The following NDUFA10 variants were observed in gnomAD, a reference collection of about 807,000 sequenced individuals.
The protein encoded by NDUFA10 is NADH:ubiquinone oxidoreductase subunit A10, also known as NADH dehydrogenase [ubiquinone] 1 alpha subcomplex subunit 10, mitochondrial.
Under a neutral mutation model 47.8 loss-of-function variants are expected in NDUFA10, and 40 were observed. That is an observed-to-expected ratio of 0.84 (90% CI 0.65 to 1.09). The LOEUF is 1.09. Ranked by LOEUF, NDUFA10 falls within the 50% of genes least tolerant of loss-of-function variation. The pLI is 0.00. For synonymous variants in NDUFA10, 183 were observed against 172.2 expected (o/e 1.06, Z -0.49); for missense variants, 413 against 451.1 (o/e 0.92, Z 0.76).
intron 4 of NDUFA10, among the ~76,000 whole-genome samples, chr2:240,015,943 GC>G (rs1559398930): frequency 6.6e-6 from 1 of 152,170 alleles, no homozygotes; most frequent in Non-Finnish European, 1.5e-5. Flanking sequence ...GATCACTGGA[GC>G]CCAGGAGTTC....
intron 4 of NDUFA10, among the ~76,000 whole-genome samples, chr2:239,922,286 C>T (rs958511649): frequency 1.3e-5 from 2 of 152,142 alleles, no homozygotes; most frequent in Non-Finnish European, 2.9e-5. Context: ...CCTCAGCTGG[C>T]CAACCCCACA....
chr2:239,972,619 A>C (rs186879929), intron 9 of NDUFA10, among the ~76,000 whole-genome samples: 1 of 152,206 alleles, frequency 6.6e-6, no homozygotes, highest in Non-Finnish European at 1.5e-5. Flanking sequence ...TAAATTTTCA[A>C]AAAATCTTTT....
intron 4 of NDUFA10, among the ~76,000 whole-genome samples, chr2:239,940,702 C>G (rs1694346043): frequency 6.6e-6 from 1 of 152,180 alleles, no homozygotes; most frequent in South Asian, 2.1e-4. Flanking sequence ...CAGTTCAAAA[C>G]AGAATCCAAA....
At chr2:239,899,163 TGGAGGGGTGTAAA>T (rs1352629175) in intron 4 of NDUFA10, among the ~76,000 whole-genome samples, 1 of 5,522 alleles carries the variant, frequency 1.8e-4, no homozygotes, top group African/African-American at 5.3e-4. Context: ...AGGGGAGTCA[TGGAGGGGTGTAAA>T]GGAGGGGTGT....
chr2:240,009,575 C>T (rs1015987211), intron 6 of NDUFA10, among the ~76,000 whole-genome samples: 2 of 152,212 alleles, frequency 1.3e-5, no homozygotes, highest in Admixed American at 6.5e-5. Flanking sequence ...CTGCAATGCT[C>T]TTTATGCATT....
intron 4 of NDUFA10, among the ~76,000 whole-genome samples, chr2:239,932,971 C>A (rs183793136): frequency 1.3e-5 from 2 of 152,344 alleles, no homozygotes; most frequent in Admixed American, 1.3e-4. Flanking sequence ...CCACCGTACA[C>A]GCTAGAAGCA....
intron 8 of NDUFA10, among the ~76,000 whole-genome samples, chr2:239,999,471 C>T (rs542195626): frequency 1.3e-5 from 2 of 152,264 alleles, no homozygotes; most frequent in African/African-American, 4.8e-5. Flanking sequence ...TCCCTGCATG[C>T]GGGTTCCCCA....
rs1177286711 is a variant in NDUFA10, at chr2:239,959,304, G to A, written c.*1814C>T. The A allele has an allele frequency of 6.1e-6, 6 of 985,370 alleles. No homozygotes were observed. The highest frequency in any genetic ancestry group is 6.1e-5 in the Admixed American group (1 of 16,270). 61.0% of individuals were successfully genotyped at this position (985,370 alleles called of 1,614,324 possible). A position where few individuals can be genotyped will look rare whatever the true frequency, so the allele number is the denominator to read the frequency against. On this transcript the variant is annotated 3_prime_UTR_variant, in exon 10 of 10. Coordinates refer to ENST00000252711, the MANE Select transcript of NDUFA10 (RefSeq NM_004544.4). ...CAAGGGCAATCCTGACCACAGGGCA[G>A]ACCTGCCCTCTCACTGCTGAGGACA...
At chr2:239,992,432 C>T (rs2106447412) in intron 8 of NDUFA10, among the ~76,000 whole-genome samples, 1 of 152,312 alleles carries the variant, frequency 6.6e-6, no homozygotes, top group East Asian at 1.9e-4. Context: ...ACACTTTGTC[C>T]TATAACATTT....
intron 4 of NDUFA10, among the ~76,000 whole-genome samples, chr2:239,942,727 C>T (rs1201418656): frequency 1.3e-5 from 2 of 151,994 alleles, no homozygotes; most frequent in African/African-American, 2.4e-5. Context: ...CTCTGTGGGA[C>T]GTTTGCCTGT....
intron 4 of NDUFA10, among the ~76,000 whole-genome samples, chr2:239,898,087 C>G (rs1170877483): frequency 6.6e-6 from 1 of 152,138 alleles, no homozygotes; most frequent in Non-Finnish European, 1.5e-5. Flanking sequence ...CCAACCGGGG[C>G]CCAGCTCACA....
chr2:239,919,560 A>C (rs951218487), intron 4 of NDUFA10, among the ~76,000 whole-genome samples: 3 of 152,154 alleles, frequency 2.0e-5, no homozygotes, highest in African/African-American at 7.2e-5. Flanking sequence ...AGGCTCATAC[A>C]GAAACAGATT....
intron 9 of NDUFA10, among the ~76,000 whole-genome samples, chr2:239,985,779 C>T (rs1344772667): frequency 4.6e-5 from 7 of 152,102 alleles, no homozygotes; most frequent in Non-Finnish European, 7.4e-5. Flanking sequence ...GGCATGGTGG[C>T]GCATGCCTGT....
chr2:239,907,738 C>T (rs1222454145), intron 4 of NDUFA10, among the ~76,000 whole-genome samples: 2 of 152,122 alleles, frequency 1.3e-5, no homozygotes, highest in Non-Finnish European at 2.9e-5. Flanking sequence ...ATTAAAAAGT[C>T]AGGAAACAAC....
chr2:239,941,902 A>G (rs1344971214), intron 4 of NDUFA10, among the ~76,000 whole-genome samples: 1 of 152,170 alleles, frequency 6.6e-6, no homozygotes, highest in African/African-American at 2.4e-5. Context: ...TTTAAATTAC[A>G]TTTAATTTAT....
chr2:239,935,490 C>T (rs993115526), intron 4 of NDUFA10, among the ~76,000 whole-genome samples: 1 of 152,174 alleles, frequency 6.6e-6, no homozygotes, highest in African/African-American at 2.4e-5. Context: ...TTGTCCCCAT[C>T]GCTCAGCTCA....
At chr2:239,962,066 G>C (rs1057354911) in intron 9 of NDUFA10, among the ~76,000 whole-genome samples, 3 of 152,242 alleles carry the variant, frequency 2.0e-5, no homozygotes, top group Admixed American at 2.0e-4. Flanking sequence ...GAGACGGAAA[G>C]AGGAGTGTTG....
chr2:239,895,371 C>T (rs1244701562), intron 4 of NDUFA10: 9 of 400,076 alleles, frequency 2.2e-5, no homozygotes, highest in Admixed American at 1.4e-4. Flanking sequence ...GGAGCCCGAG[C>T]TCTGTGCAGG....
At chr2:239,915,488 CACACAG>C (rs1475664782) in intron 4 of NDUFA10, among the ~76,000 whole-genome samples, 1 of 148,298 alleles carries the variant, frequency 6.7e-6, no homozygotes, top group African/African-American at 2.6e-5. Flanking sequence ...ACAGAACACA[CACACAG>C]ACACACACAA....
Sources: allele counts gnomAD v4.1 joint callset (sites outside exome capture counted in the v4.1 genomes callset), GRCh38; gene constraint gnomAD v4.1.1; transcripts MANE v1.5; gene names NCBI Gene and HGNC (gene_info 2026-07-23, HGNC 2026-07-21).